The following CLOCK variants were observed in gnomAD, a reference collection of about 807,000 sequenced individuals.
The protein encoded by CLOCK is clock circadian regulator, also known as circadian locomoter output cycles protein kaput.
A neutral mutation model predicts 118.4 loss-of-function variants in CLOCK; 43 were observed. That is an observed-to-expected ratio of 0.36 (90% CI 0.28 to 0.47). The LOEUF is 0.47. CLOCK is among the 20% of genes least tolerant of loss of function. CLOCK has a pLI of 1.00. For synonymous variants in CLOCK, 326 were observed against 339.2 expected (o/e 0.96, Z 0.43); for missense variants, 846 against 999.9 (o/e 0.85, Z 2.08).
At chr4:55,444,977 T>A (rs1723684323) in intron 18 of CLOCK, among the ~76,000 whole-genome samples, 192 bp from the exon 19 acceptor site, 1 of 152,188 alleles carries the variant, frequency 6.6e-6, no homozygotes, top group South Asian at 2.1e-4. Context: ...TTCAAAATAT[T>A]TCTCCTTTGC....
At chr4:55,464,639 G>A (rs1239913669) in intron 8 of CLOCK, among the ~76,000 whole-genome samples, 2 of 152,058 alleles carry the variant, frequency 1.3e-5, no homozygotes, top group Non-Finnish European at 2.9e-5. Flanking sequence ...CAGGGCCCAG[G>A]GTCCTGCCCC....
At chr4:55,476,189 A>C in intron 6 of CLOCK, 135 bp from the exon 7 acceptor site, 1 of 667,788 alleles carries the variant, frequency 1.5e-6, no homozygotes, top group Non-Finnish European at 2.7e-6. Flanking sequence ...GGTAGATATC[A>C]AGAGGTCCAG....
At position 55,435,398 on chromosome 4, in the gene CLOCK, G is replaced by GA. The variant is rs776053328; in HGVS notation, c.*16dup. 1 of 1,613,756 alleles carries GA rather than the reference G, an allele frequency of 6.2e-7. No homozygotes were observed. The highest frequency in any genetic ancestry group is 8.5e-7 in the Non-Finnish European group (1 of 1,179,786). ...CATCCCCTTCCTCCCTTGATGTCAA[G>GA]AGAGGAAGCACGTGTGCTACTGTGG... On this transcript the variant is annotated 3_prime_UTR_variant, in exon 23 of 23. Transcript: ENST00000513440.
At chr4:55,533,606 T>C (rs920658763) in intron 1 of CLOCK, among the ~76,000 whole-genome samples, 3 of 152,188 alleles carry the variant, frequency 2.0e-5, no homozygotes, top group African/African-American at 7.2e-5. Flanking sequence ...TGTAAATCCG[T>C]GAAAAAGTGC....
At chr4:55,505,957 A>T (rs1182325312) in intron 2 of CLOCK, among the ~76,000 whole-genome samples, 1 of 151,914 alleles carries the variant, frequency 6.6e-6, no homozygotes, top group Non-Finnish European at 1.5e-5. Context: ...TAAATACTTC[A>T]ACTATACCTC....
At chr4:55,495,947 G>A (rs1416778205) in intron 2 of CLOCK, among the ~76,000 whole-genome samples, 4 of 152,242 alleles carry the variant, frequency 2.6e-5, no homozygotes. Context: ...CCAGCACTTT[G>A]GGAGGTCAAG....
intron 1 of CLOCK, among the ~76,000 whole-genome samples, chr4:55,518,363 T>C (rs550568481): frequency 2.0e-5 from 3 of 152,310 alleles, no homozygotes; most frequent in African/African-American, 7.2e-5. Flanking sequence ...ATAAGAGATC[T>C]GGCAAAGATT....
At chr4:55,492,316 T>C (rs1455389016) in intron 2 of CLOCK, among the ~76,000 whole-genome samples, 1 of 140,754 alleles carries the variant, frequency 7.1e-6, no homozygotes, top group Non-Finnish European at 1.5e-5. Flanking sequence ...TCTCAATTGA[T>C]GCAGAAAAAG....
intron 1 of CLOCK, among the ~76,000 whole-genome samples, chr4:55,537,524 G>C (rs561353782): frequency 6.6e-6 from 1 of 152,134 alleles, no homozygotes; most frequent in East Asian, 1.9e-4. Flanking sequence ...AGACTCTGGT[G>C]CGAGGATCTC....
At position 55,514,605 on chromosome 4, in the gene CLOCK, TA is replaced by T. The variant is rs111658266; in HGVS notation, c.-289-4541del. On this transcript the variant is annotated intron_variant, in intron 1 of 22. Coordinates refer to ENST00000513440, the MANE Select transcript of CLOCK (RefSeq NM_004898.4). ...GTTTTACAGTTACAGAGTTTTTTTTTAAATCATGAATGGGTGTTGGGTTCTG... is the reference window on the plus strand; with the variant it reads ...GTTTTACAGTTACAGAGTTTTTTTTTAATCATGAATGGGTGTTGGGTTCTG... Among the ~76,000 whole-genome samples the T allele has an allele frequency of 7.9e-5, 12 of 151,660 alleles. No individual in the cohort carries two copies. In the South Asian group the frequency reaches 1.9e-3, roughly 24 times the overall value.
intron 1 of CLOCK, among the ~76,000 whole-genome samples, chr4:55,524,934 T>TA (rs139559391): frequency 0.028 from 4,249 of 149,830 alleles, 207 homozygotes; most frequent in African/African-American, 0.098. Context: ...GCAAAAATCT[T>TA]AAAAAAAAAA....
chr4:55,445,582 C>CTTTTTT (rs56157186), intron 18 of CLOCK, among the ~76,000 whole-genome samples: 6 of 68,592 alleles, frequency 8.7e-5, no homozygotes, highest in Admixed American at 2.1e-4. Context: ...TTTCTATATT[C>CTTTTTT]TTTTTTTTTT....
intron 1 of CLOCK, chr4:55,540,373 C>G (rs4267787): frequency 7.1e-6 from 1 of 140,514 alleles, no homozygotes; most frequent in Admixed American, 7.4e-5. Flanking sequence ...TAATTGGGGG[C>G]AAGAGAGGAG....
At chr4:55,478,108 T>C (rs73236145) in intron 6 of CLOCK, among the ~76,000 whole-genome samples, 2,839 of 151,024 alleles carry the variant, frequency 0.019, 31 homozygotes, top group South Asian at 0.036. Context: ...ACAGTTTCAT[T>C]TGCATTTGAA....
intron 3 of CLOCK, among the ~76,000 whole-genome samples, chr4:55,484,391 A>G (rs1183603470): frequency 1.3e-5 from 2 of 152,092 alleles, no homozygotes; most frequent in Non-Finnish European, 2.9e-5. Flanking sequence ...TGACAGAGTC[A>G]AAGATAGAAA....
intron 2 of CLOCK, among the ~76,000 whole-genome samples, chr4:55,503,978 T>TAAAAAAAA (rs60471915): frequency 7.0e-5 from 5 of 71,146 alleles, no homozygotes; most frequent in African/African-American, 1.5e-4. Flanking sequence ...CAAAAAGAGG[T>TAAAAAAAA]AAAAAAAAAA....
In CLOCK at chr4:55,488,097, C is replaced by T. The variant is rs1009811894; in HGVS notation, c.-44+1277G>A. ...TTAGTTATCCCAAATCTCCATATTG[C>T]CAAGTCTAATGGCTGTTTTATTCTC... On this transcript the variant is annotated intron_variant, in intron 3 of 22. Coordinates refer to ENST00000513440, the MANE Select transcript of CLOCK (RefSeq NM_004898.4). 4.6e-5 allele frequency among the ~76,000 whole-genome samples: 7 copies of T among 152,178 alleles called. No individual in the cohort carries two copies. In the South Asian group the frequency reaches 1.0e-3, roughly 22 times the overall value.
intron 1 of CLOCK, among the ~76,000 whole-genome samples, chr4:55,519,830 G>T (rs919588656): frequency 1.8e-4 from 28 of 151,966 alleles, no homozygotes; most frequent in African/African-American, 6.5e-4. Context: ...ACATTTATGG[G>T]GTCACTGCAC....
In CLOCK at chr4:55,442,650, A is replaced by T. The variant is rs754162722; in HGVS notation, c.1903-16T>A. The stretch of plus-strand genomic sequence containing the variant: ...TTTGTTGACTCTGTTAAAAATAAAG[A>T]GATTTTATAGACAGATTAACTGAAA... On this transcript the variant is annotated splice_polypyrimidine_tract_variant and intron_variant, in intron 20 of 22. Coordinates refer to ENST00000513440, the MANE Select transcript of CLOCK (RefSeq NM_004898.4). The T allele has an allele frequency of 6.3e-7, 1 of 1,591,582 alleles. No individual in the cohort carries two copies. Among genetic ancestry groups the T allele is most frequent in the Non-Finnish European group, 8.6e-7 (1 of 1,160,360 alleles).
Sources: gnomAD v4.1 joint callset for allele counts (sites outside exome capture counted in the v4.1 genomes callset) on GRCh38, gnomAD v4.1.1 for gene constraint, MANE v1.5 for transcripts, NCBI Gene and HGNC (gene_info 2026-07-23, HGNC 2026-07-21) for gene names.